Variants in TTC17 observed in about 807,000 individuals in gnomAD.
TTC17 encodes tetratricopeptide repeat protein 17.
In TTC17, 58 loss-of-function variants were observed where a neutral mutation model predicts 143.8. That is an observed-to-expected ratio of 0.40 (90% CI 0.33 to 0.50). TTC17 has a LOEUF of 0.50. Among genes scored for constraint, TTC17 ranks in the 20% least tolerant of loss-of-function variants. The probability of loss-of-function intolerance (pLI) is 0.49; values close to 1 mark genes in which losing one functional copy is unlikely to be tolerated. For missense variants in TTC17, 1,273 were observed against 1,392.5 expected (o/e 0.91, Z 1.37); for synonymous variants, 501 against 497.8 (o/e 1.01, Z -0.09).
chr11:43,486,271 A>G (rs1461635787), intron 21 of TTC17: 1 of 240,362 alleles, frequency 4.2e-6, no homozygotes, highest in African/African-American at 2.2e-5. Flanking sequence ...TAAGTTGTCC[A>G]CCATTCTGAG....
chr11:43,387,407 A>T (rs1857209580), intron 2 of TTC17, among the ~76,000 whole-genome samples: 1 of 152,218 alleles, frequency 6.6e-6, no homozygotes, highest in African/African-American at 2.4e-5. Flanking sequence ...GGCCAAAGCA[A>T]GTCATGTGGC....
chr11:43,481,593 G>A (rs1948288576), intron 21 of TTC17, among the ~76,000 whole-genome samples: 1 of 151,862 alleles, frequency 6.6e-6, no homozygotes, highest in Non-Finnish European at 1.5e-5. Context: ...TTTCTTCTCT[G>A]GTGATCTTTG....
intron 5 of TTC17, 48 bp downstream of exon 5, chr11:43,392,000 CTG>C (rs769483554): frequency 8.8e-5 from 136 of 1,544,980 alleles, no homozygotes; most frequent in Non-Finnish European, 1.1e-4. Context: ...CCAGCGGGCT[CTG>C]TGTAAACAGA....
At chr11:43,465,969 G>A (rs1047911721) in intron 21 of TTC17, among the ~76,000 whole-genome samples, 45 of 152,128 alleles carry the variant, frequency 3.0e-4, no homozygotes, top group African/African-American at 1.1e-3. Flanking sequence ...GGCATCAGAG[G>A]ACACAATTAA....
chr11:43,379,298 A>T lies in TTC17; in HGVS notation c.225A>T (p.Thr75=), dbSNP rs772548724. Residue 75 remains threonine, a synonymous_variant, in exon 2 of 24, where the codon ACA becomes ACT. Coordinates refer to ENST00000039989, the MANE Select transcript of TTC17 (RefSeq NM_018259.6). ...TCATATTAATGAGACAAGAAGCAACAGTTAACTACCTCAAAGAATTAGAGG... is the reference window on the plus strand; with the variant it reads ...TCATATTAATGAGACAAGAAGCAACTGTTAACTACCTCAAAGAATTAGAGG... ...DLVILMRQEA[T]VNYLKELEKQ... 6.2e-7 allele frequency: 1 copy of T among 1,612,040 alleles called. No homozygotes were observed. Among genetic ancestry groups the T allele is most frequent in the Non-Finnish European group, 8.5e-7 (1 of 1,179,322 alleles).
At chr11:43,461,836 T>C (rs965641800) in intron 21 of TTC17, among the ~76,000 whole-genome samples, 3 of 152,152 alleles carry the variant, frequency 2.0e-5, no homozygotes, top group Admixed American at 2.0e-4. Flanking sequence ...AAAGTAATAA[T>C]TTGCATTGGC....
intron 10 of TTC17, among the ~76,000 whole-genome samples, chr11:43,402,169 A>T (rs1590361201): frequency 6.6e-6 from 1 of 152,198 alleles, no homozygotes; most frequent in East Asian, 1.9e-4. Flanking sequence ...CATGCATTTG[A>T]TTCTTTTCTC....
At chr11:43,365,394 A>T (rs1181805336) in intron 1 of TTC17, among the ~76,000 whole-genome samples, 2 of 151,916 alleles carry the variant, frequency 1.3e-5, no homozygotes, top group Non-Finnish European at 2.9e-5. Context: ...TCAGCCTCCC[A>T]TGTAGCTGGG....
At chr11:43,487,239 G>A (rs565136313) in intron 21 of TTC17, among the ~76,000 whole-genome samples, 2 of 152,106 alleles carry the variant, frequency 1.3e-5, no homozygotes, top group African/African-American at 2.4e-5. Flanking sequence ...TCCTCCTCCC[G>A]GGTTCAAGTG....
At chr11:43,451,932 G>T (rs73530636) in intron 21 of TTC17, among the ~76,000 whole-genome samples, 189 of 152,244 alleles carry the variant, frequency 1.2e-3, no homozygotes, top group African/African-American at 4.3e-3. Flanking sequence ...CATCTTCCGA[G>T]TATCGCACAT....
At chr11:43,381,028 G>T (rs1856947849) in intron 2 of TTC17, among the ~76,000 whole-genome samples, 1 of 151,914 alleles carries the variant, frequency 6.6e-6, no homozygotes, top group African/African-American at 2.4e-5. Context: ...ATCTTTTTAG[G>T]GAGGCAGTAT....
chr11:43,414,851 A>G (rs1946741085), intron 16 of TTC17, 75 bp downstream of exon 16: 9 of 1,486,100 alleles, frequency 6.1e-6, no homozygotes, highest in Admixed American at 2.3e-5. Context: ...AACACAGAAA[A>G]TGATTTTCTC....
chr11:43,379,777 G>A (rs998536705), intron 2 of TTC17, among the ~76,000 whole-genome samples: 1 of 152,104 alleles, frequency 6.6e-6, no homozygotes, highest in African/African-American at 2.4e-5. Flanking sequence ...TGGTTGACGT[G>A]AAAAACATTA....
chr11:43,487,077 T>G (rs1948394648), intron 21 of TTC17, among the ~76,000 whole-genome samples: 2 of 152,144 alleles, frequency 1.3e-5, no homozygotes, highest in African/African-American at 2.4e-5. Flanking sequence ...ATATTATATG[T>G]GTATTTAATT....
intron 21 of TTC17, among the ~76,000 whole-genome samples, chr11:43,452,984 G>C (rs1263708842): frequency 6.6e-6 from 1 of 152,048 alleles, no homozygotes; most frequent in African/African-American, 2.4e-5. Context: ...TAAAAACACA[G>C]GAGAAAGATT....
At chr11:43,444,275 G>A in intron 18 of TTC17, 66 bp downstream of exon 18, 2 of 1,491,192 alleles carry the variant, frequency 1.3e-6, no homozygotes, top group Non-Finnish European at 1.8e-6. Context: ...TCTCACAAAG[G>A]TTGTATTTGT....
At position 43,419,133 on chromosome 11, in the gene TTC17, T is replaced by C. The variant is rs77457182; in HGVS notation, c.2251+4357T>C. Among the ~76,000 whole-genome samples, 3 of 152,178 alleles carry C rather than the reference T, an allele frequency of 2.0e-5. No individual in the cohort carries two copies. The South Asian group carries it at 6.2e-4, about 31-fold the overall frequency. On this transcript the variant is annotated intron_variant, in intron 16 of 23. Transcript: ENST00000039989. ...GAGCTCTGGTCATTTCTTAATTAAT[T>C]GAGGCACACGCCTACTTAAAAAAAT...
At chr11:43,469,078 T>G (rs960501169) in intron 21 of TTC17, among the ~76,000 whole-genome samples, 4 of 152,158 alleles carry the variant, frequency 2.6e-5, no homozygotes, top group African/African-American at 7.2e-5. Context: ...AATAGATGTT[T>G]CACAAAACAC....
chr11:43,390,677 A>G (rs1316521448), intron 3 of TTC17, among the ~76,000 whole-genome samples: 1 of 151,590 alleles, frequency 6.6e-6, no homozygotes, highest in Non-Finnish European at 1.5e-5. Context: ...AATAAAAAAG[A>G]GAAAAAAATA....
Sources: allele counts gnomAD v4.1 joint callset (sites outside exome capture counted in the v4.1 genomes callset), GRCh38; gene constraint gnomAD v4.1.1; transcripts MANE v1.5; gene names NCBI Gene and HGNC (gene_info 2026-07-23, HGNC 2026-07-21).